NELFA: variants seen among roughly 807,000 people sequenced by gnomAD.
The protein encoded by NELFA is negative elongation factor complex member A.
In NELFA, 35 loss-of-function variants were observed where a neutral mutation model predicts 51.8. The observed-to-expected ratio is 0.68, with a 90% CI of 0.52 to 0.90. NELFA has a LOEUF of 0.90. Ranked by LOEUF, NELFA falls within the 40% of genes least tolerant of loss-of-function variation. The pLI, the probability that NELFA is intolerant of heterozygous loss-of-function variation, is 0.00. For missense variants in NELFA, 658 were observed against 746.4 expected (o/e 0.88, Z 1.38); for synonymous variants, 417 against 338.4 (o/e 1.23, Z -2.55).
intron 1 of NELFA, chr4:2,007,842 T>G (rs1279371948): frequency 2.3e-5 from 9 of 386,698 alleles, no homozygotes; most frequent in South Asian, 1.7e-4. Flanking sequence ...TAATAGCTAA[T>G]AATACATCAG....
chr4:2,005,235 A>G (rs1728679887), intron 1 of NELFA, among the ~76,000 whole-genome samples: 1 of 152,216 alleles, frequency 6.6e-6, no homozygotes, highest in Non-Finnish European at 1.5e-5. Context: ...CTCACTGGCA[A>G]AACATTCCGA....
In NELFA at chr4:1,983,077, T is replaced by C; in HGVS notation, c.*242A>G. On this transcript the variant is annotated 3_prime_UTR_variant, in exon 11 of 11. Transcript: ENST00000382882. ...TTAATTTACTTACTACATTCAAAAA[T>C]GTAACGTTGAGTCCAAAAAGTGTCT... The C allele has an allele frequency of 2.4e-6, 1 of 414,338 alleles. No individual in the cohort carries two copies. Among genetic ancestry groups the C allele is most frequent in the East Asian group, 3.8e-5 (1 of 26,626 alleles). 25.7% of individuals were successfully genotyped at this position (414,338 alleles called of 1,614,324 possible). A position where few individuals can be genotyped will look rare whatever the true frequency, so the allele number is the denominator to read the frequency against.
rs776228290 is a variant in NELFA, at chr4:1,991,602, C to T, written c.324G>A (p.Leu108=). The T allele has an allele frequency of 1.9e-5, 30 of 1,613,994 alleles. No homozygotes were observed. Among genetic ancestry groups the T allele is most frequent in the Non-Finnish European group, 2.5e-5 (30 of 1,180,044 alleles). The change falls in exon 2 of 11, where the codon CTG becomes CTA. Residue 108 remains leucine (L), a synonymous_variant. Coordinates refer to ENST00000382882, the MANE Select transcript of NELFA (RefSeq NM_005663.5). ...CGTTGGGATTCTGCTCCTCCAGCTC[C>T]AGGTTAAGCGAGCCTGTGTCCGGAA... The part of the protein sequence containing the change: ...KSFPDTGSLN[L]ELEEQNPNVQ...
intron 4 of NELFA, 108 bp downstream of exon 4, chr4:1,987,810 T>C: frequency 7.4e-6 from 7 of 949,854 alleles, no homozygotes; most frequent in Non-Finnish European, 9.2e-6. Flanking sequence ...CACTGCTGCC[T>C]GAAGACCATT....
chr4:1,985,684 A>AT, intron 7 of NELFA, 92 bp downstream of exon 7: 1 of 902,584 alleles, frequency 1.1e-6, no homozygotes, highest in Non-Finnish European at 1.8e-6. Flanking sequence ...ATACATATAT[A>AT]TATTCTCCGA....
chr4:1,993,657 AT>A (rs1486608662), intron 1 of NELFA, among the ~76,000 whole-genome samples: 5 of 152,232 alleles, frequency 3.3e-5, no homozygotes, highest in Admixed American at 2.6e-4. Flanking sequence ...CACAACAGAA[AT>A]TTACTTCTCA....
intron 1 of NELFA, among the ~76,000 whole-genome samples, chr4:2,008,350 TAGCGA>T (rs1445890209): frequency 2.7e-5 from 4 of 149,092 alleles, no homozygotes; most frequent in Middle Eastern, 3.6e-3. Flanking sequence ...CTGGGGGTCG[TAGCGA>T]GAACCCGGGG....
At position 2,008,942 on chromosome 4, in the gene NELFA, C is replaced by T. The variant is rs777044813; in HGVS notation, c.18G>A (p.Glu6=). The T allele has an allele frequency of 1.9e-6, 3 of 1,563,786 alleles. No individual in the cohort carries two copies. The South Asian group carries it at 3.5e-5, about 18-fold the overall frequency. MASMR[E]SDTGLWLHNK... ...TGTGCAGCCACAGGCCCGTGTCGCT[C>T]TCCCGCATGGACGCCATCTTGGGGG... Residue 6 remains glutamate (E), a synonymous_variant, in exon 1 of 11, where the codon GAG becomes GAA. Coordinates refer to ENST00000382882, the MANE Select transcript of NELFA (RefSeq NM_005663.5).
chr4:1,985,971 C>T (rs965450733), intron 6 of NELFA, 107 bp from the exon 7 acceptor site: 102 of 1,340,064 alleles, frequency 7.6e-5, no homozygotes, highest in Middle Eastern at 7.5e-4. Context: ...CACCAAGGAG[C>T]GAGGAGAAAA....
In NELFA at chr4:1,990,177, C is replaced by T. The variant is rs966807636; in HGVS notation, c.383-308G>A. ...ACAGTGATTCCTGGAGGGCTCCAGA[C>T]ACTTGTAGAACATGAAATGTTAACA... On this transcript the variant is annotated intron_variant, in intron 2 of 10. Coordinates refer to ENST00000382882, the MANE Select transcript of NELFA (RefSeq NM_005663.5). The T allele has an allele frequency of 1.0e-4, 44 of 440,742 alleles. No homozygotes were observed. The Admixed American group carries it at 1.5e-3, about 15-fold the overall frequency. 27.3% of individuals were successfully genotyped at this position (440,742 alleles called of 1,614,324 possible).
At chr4:1,998,002 G>A (rs1027956097) in intron 1 of NELFA, among the ~76,000 whole-genome samples, 1 of 152,070 alleles carries the variant, frequency 6.6e-6, no homozygotes, top group Non-Finnish European at 1.5e-5. Flanking sequence ...GATGAATATG[G>A]CCTGAAGTGA....
chr4:1,987,837 C>T, intron 4 of NELFA, 81 bp downstream of exon 4: 1 of 1,236,482 alleles, frequency 8.1e-7, no homozygotes. Flanking sequence ...CACCACCTCC[C>T]CAACAGGGAG....
At chr4:2,005,002 GT>G (rs1360623198) in intron 1 of NELFA, among the ~76,000 whole-genome samples, 2 of 148,746 alleles carry the variant, frequency 1.3e-5, no homozygotes, top group African/African-American at 5.0e-5. Context: ...TAGAGACGGG[GT>G]TTCACCATGT....
chr4:1,990,997 CTA>C (rs1284314183), intron 2 of NELFA, among the ~76,000 whole-genome samples: 1 of 152,146 alleles, frequency 6.6e-6, no homozygotes, highest in Non-Finnish European at 1.5e-5. Flanking sequence ...TGGGTTCTTG[CTA>C]TGTTTCCCAG....
Position 1,983,959 on chromosome 4 carries a change from G to A in NELFA, c.1191C>T (p.Pro397=). The A allele has an allele frequency of 6.2e-7, 1 of 1,611,562 alleles. No homozygotes were observed. Among genetic ancestry groups the A allele is most frequent in the Non-Finnish European group, 8.5e-7 (1 of 1,179,606 alleles). ...TPAAPTSPLT[P]TTPPAVAPTT... is the part of the protein sequence containing the mutation. ...TAGGGGCGACAGCCGGAGGTGTGGT[G>A]GGTGTCAGAGGCGAGGTGGGCGCCG... The change falls in exon 9 of 11, where the codon CCC becomes CCT. Residue 397 remains proline (P), a synonymous_variant. Coordinates refer to ENST00000382882, the MANE Select transcript of NELFA (RefSeq NM_005663.5).
intron 1 of NELFA, among the ~76,000 whole-genome samples, chr4:1,996,840 G>A (rs535012374): frequency 9.2e-5 from 14 of 152,326 alleles, no homozygotes; most frequent in Non-Finnish European, 8.8e-5. Flanking sequence ...GCTGAGGCAC[G>A]ATAATCACTT....
intron 1 of NELFA, among the ~76,000 whole-genome samples, chr4:1,998,704 T>C (rs535382802): frequency 2.6e-5 from 4 of 152,138 alleles, no homozygotes; most frequent in Non-Finnish European, 4.4e-5. Context: ...ACGGGGAGAA[T>C]GGAAACAAGC....
chr4:2,007,799 T>C (rs1174002772), intron 1 of NELFA, among the ~76,000 whole-genome samples: 2 of 152,198 alleles, frequency 1.3e-5, no homozygotes, highest in Non-Finnish European at 2.9e-5. Context: ...TTTCCATACA[T>C]GTCATATCTC....
At chr4:1,985,388 C>T (rs992030590) in intron 7 of NELFA, among the ~76,000 whole-genome samples, 2 of 152,176 alleles carry the variant, frequency 1.3e-5, no homozygotes. Flanking sequence ...CACCCGCAGG[C>T]AGGGCCTGGT....
Sources: allele counts gnomAD v4.1 joint callset (sites outside exome capture counted in the v4.1 genomes callset), GRCh38; gene constraint gnomAD v4.1.1; transcripts MANE v1.5; gene names NCBI Gene and HGNC (gene_info 2026-07-23, HGNC 2026-07-21).